PDZD2: variants seen among roughly 807,000 people sequenced by gnomAD.
The protein encoded by PDZD2 is PDZ domain-containing protein 2.
In PDZD2, 90 loss-of-function variants were observed where a neutral mutation model predicts 220.7. The observed-to-expected ratio is 0.41, with a 90% CI of 0.34 to 0.49. The LOEUF (loss-of-function observed/expected upper bound fraction) is 0.49, where lower values mean the gene tolerates loss of function less well. Among genes scored for constraint, PDZD2 ranks in the 20% least tolerant of loss-of-function variants. The pLI, the probability that PDZD2 is intolerant of heterozygous loss-of-function variation, is 0.28. For missense variants in PDZD2, 3,174 were observed against 3,608.5 expected (o/e 0.88, Z 3.08); for synonymous variants, 1,375 against 1,450.5 (o/e 0.95, Z 1.18).
intron 1 of PDZD2, among the ~76,000 whole-genome samples, chr5:31,706,269 G>C (rs1483984282): frequency 6.6e-6 from 1 of 152,188 alleles, no homozygotes; most frequent in Non-Finnish European, 1.5e-5. Context: ...GAGCTTCCTT[G>C]TAGACAAAGC....
At chr5:31,955,298 TTTG>T (rs1222337518) in intron 2 of PDZD2, among the ~76,000 whole-genome samples, 1 of 151,782 alleles carries the variant, frequency 6.6e-6, no homozygotes, top group East Asian at 1.9e-4. Flanking sequence ...GGTTTTTTTT[TTTG>T]TTTTGTTTTG....
At chr5:31,744,163 G>A (rs1750441753) in intron 1 of PDZD2, 1 of 152,202 alleles carries the variant, frequency 6.6e-6, no homozygotes, top group Non-Finnish European at 1.5e-5. Flanking sequence ...ATTGAACCAT[G>A]AAGTCTGGTC....
At chr5:31,761,820 C>T (rs181254611) in intron 1 of PDZD2, among the ~76,000 whole-genome samples, 49 of 150,350 alleles carry the variant, frequency 3.3e-4, no homozygotes, top group Non-Finnish European at 5.8e-4. Context: ...AAGATCACAC[C>T]GCTGCACTCC....
intron 5 of PDZD2, among the ~76,000 whole-genome samples, chr5:32,003,517 TAC>T (rs1179159506): frequency 2.0e-5 from 2 of 102,496 alleles, no homozygotes; most frequent in African/African-American, 7.9e-5. Context: ...ACACCACACA[TAC>T]ACACACACGC....
chr5:31,986,775 C>T (rs186787486), intron 3 of PDZD2, among the ~76,000 whole-genome samples: 2 of 152,138 alleles, frequency 1.3e-5, no homozygotes, highest in East Asian at 3.9e-4. Flanking sequence ...GACAAAAGAG[C>T]TCATAATCAT....
At chr5:31,998,200 G>A (rs1437557444) in intron 4 of PDZD2, among the ~76,000 whole-genome samples, 9 of 152,108 alleles carry the variant, frequency 5.9e-5, no homozygotes, top group African/African-American at 1.9e-4. Flanking sequence ...TCCTCCCATA[G>A]GAAACAGCTC....
intron 2 of PDZD2, among the ~76,000 whole-genome samples, chr5:31,880,652 T>G (rs1043994670): frequency 5.3e-5 from 8 of 152,082 alleles, no homozygotes; most frequent in Non-Finnish European, 1.2e-4. Context: ...CCTGGAGTGG[T>G]GGGTCTGGGC....
At chr5:32,106,684 G>A (rs142933325) in intron 24 of PDZD2, among the ~76,000 whole-genome samples, 92 of 152,296 alleles carry the variant, frequency 6.0e-4, no homozygotes, top group Non-Finnish European at 1.2e-3. Context: ...AAGCCCAGGT[G>A]AACACTCACA....
intron 1 of PDZD2, among the ~76,000 whole-genome samples, chr5:31,734,337 T>G (rs1749715007): frequency 1.3e-5 from 2 of 152,310 alleles, no homozygotes; most frequent in African/African-American, 4.8e-5. Flanking sequence ...TTTTGTTTTT[T>G]GAGATGGAGT....
At position 31,850,024 on chromosome 5, in the gene PDZD2, ACTCATATATACACG is replaced by A. The variant is rs1237512447; in HGVS notation, c.476+50301_476+50314del. On this transcript the variant is annotated intron_variant, in intron 2 of 24. Coordinates refer to ENST00000438447, the MANE Select transcript of PDZD2 (RefSeq NM_178140.4). ...TATATATATACACACACACGTATAT[ACTCATATATACACG>A]TATATATATATACGTGTATATATAA... is the stretch of plus-strand genomic sequence containing the variant. Among the ~76,000 whole-genome samples the A allele has an allele frequency of 7.9e-3, 906 of 114,686 alleles. 255 individuals carry two copies. Among genetic ancestry groups the A allele is most frequent in the African/African-American group, 0.026 (768 of 29,092 alleles). The allele number at this position is 114,686 out of a possible 152,430, so 75.2% of individuals were successfully genotyped here. A position where few individuals can be genotyped will look rare whatever the true frequency, so the allele number is the denominator to read the frequency against.
At chr5:31,999,876 A>G (rs1470990240) in intron 4 of PDZD2, among the ~76,000 whole-genome samples, 1 of 152,124 alleles carries the variant, frequency 6.6e-6, no homozygotes, top group Non-Finnish European at 1.5e-5. Context: ...TGGGAGTTTC[A>G]CTGACATTGA....
At chr5:31,744,618 C>T (rs1424688054) in intron 1 of PDZD2, among the ~76,000 whole-genome samples, 1 of 151,764 alleles carries the variant, frequency 6.6e-6, no homozygotes, top group African/African-American at 2.4e-5. Context: ...CATGGTTGAA[C>T]AGGAAAGAAT....
chr5:31,761,094 G>A (rs1029829794), intron 1 of PDZD2, among the ~76,000 whole-genome samples: 3 of 152,098 alleles, frequency 2.0e-5, no homozygotes, highest in African/African-American at 7.2e-5. Context: ...GTGGTGCTGT[G>A]TAAGAGCTGT....
chr5:31,960,886 A>G (rs1748162939), intron 2 of PDZD2, among the ~76,000 whole-genome samples: 1 of 152,214 alleles, frequency 6.6e-6, no homozygotes, highest in African/African-American at 2.4e-5. Flanking sequence ...ACAAATGTGT[A>G]TAATTCTTTT....
At position 31,646,663 on chromosome 5, in the gene PDZD2, A is replaced by C. The variant is rs908219048; in HGVS notation, c.-361+7226A>C. Among the ~76,000 whole-genome samples the C allele has an allele frequency of 1.3e-5, 2 of 152,070 alleles. No homozygotes were observed. The highest frequency in any genetic ancestry group is 2.9e-5 in the Non-Finnish European group (2 of 68,020). On this transcript the variant is annotated intron_variant, in intron 1 of 24. Coordinates refer to ENST00000438447, the MANE Select transcript of PDZD2 (RefSeq NM_178140.4). This position sits in a 1 kb window ranked among gnomAD's most constrained non-coding sequence, Gnocchi z 4.7. ...TTTATGGAGATTTGGGTAAAACTAG[A>C]TTGTGCTATATGGGTCTCCTGATGA...
Position 32,091,080 on chromosome 5 carries a change from T to C in PDZD2, c.7632T>C (p.Ser2544=). 1 of 1,611,364 alleles carries C rather than the reference T, an allele frequency of 6.2e-7. No homozygotes were observed. The highest frequency in any genetic ancestry group is 1.1e-5 in the South Asian group (1 of 91,004). The change falls in exon 20 of 25, where the codon AGT becomes AGC. Residue 2544 remains serine (S), a synonymous_variant. Coordinates refer to ENST00000438447, the MANE Select transcript of PDZD2 (RefSeq NM_178140.4). The part of the protein sequence containing the change: ...KGGNRACPGG[S]GPKTSAAETP... Reference sequence around the variant, plus strand: ...GGAACAGGGCCTGTCCAGGAGGAAGTGGCCCTAAAACCAGTGCTGCTGAGA... The same window carrying C: ...GGAACAGGGCCTGTCCAGGAGGAAGCGGCCCTAAAACCAGTGCTGCTGAGA...
At chr5:32,060,696 T>G (rs1444043706) in intron 13 of PDZD2, among the ~76,000 whole-genome samples, 1 of 151,026 alleles carries the variant, frequency 6.6e-6, no homozygotes, top group Non-Finnish European at 1.5e-5. Flanking sequence ...CTTTGTACAG[T>G]GCCTGGCATA....
chr5:31,809,865 T>G (rs979464386), intron 2 of PDZD2, among the ~76,000 whole-genome samples: 1 of 152,152 alleles, frequency 6.6e-6, no homozygotes, highest in Non-Finnish European at 1.5e-5. Flanking sequence ...GCTCTTTAAT[T>G]TTATCCCAGT....
intron 24 of PDZD2, chr5:32,103,380 G>A (rs1302572398): frequency 6.6e-6 from 1 of 151,972 alleles, no homozygotes; most frequent in African/African-American, 2.4e-5. Flanking sequence ...CTGCACCATT[G>A]CACTCCAGCC....
Sources: allele counts gnomAD v4.1 joint callset (sites outside exome capture counted in the v4.1 genomes callset), GRCh38; gene constraint gnomAD v4.1.1; non-coding constraint Gnocchi (gnomAD v3.1); transcripts MANE v1.5; gene names NCBI Gene and HGNC (gene_info 2026-07-23, HGNC 2026-07-21).